The following CEP152 variants were observed in gnomAD, a reference collection of about 807,000 sequenced individuals.
CEP152 encodes centrosomal protein of 152 kDa.
A neutral mutation model predicts 188.9 loss-of-function variants in CEP152; 132 were observed. The ratio of observed to expected loss-of-function variants is 0.70; its 90% CI spans 0.61 to 0.81. CEP152 has a LOEUF of 0.81. Ranked by LOEUF, CEP152 falls within the 30% of genes least tolerant of loss-of-function variation. The pLI is 0.00. For missense variants in CEP152, 1,914 were observed against 1,969.8 expected (o/e 0.97, Z 0.54); for synonymous variants, 649 against 666.6 (o/e 0.97, Z 0.41).
At chr15:48,764,456 T>C (rs758180766) in intron 17 of CEP152, among the ~76,000 whole-genome samples, 1 of 152,206 alleles carries the variant, frequency 6.6e-6, no homozygotes, top group Non-Finnish European at 1.5e-5. Context: ...AGTTAAAACA[T>C]GAACTTGTTG....
At chr15:48,780,444 T>G (rs1221105032) in intron 12 of CEP152, among the ~76,000 whole-genome samples, 1 of 152,240 alleles carries the variant, frequency 6.6e-6, no homozygotes, top group Non-Finnish European at 1.5e-5. Context: ...GACATTTATA[T>G]ATTTGTATTT....
intron 20 of CEP152, among the ~76,000 whole-genome samples, chr15:48,753,874 TA>T (rs1291988661): frequency 6.6e-6 from 1 of 152,180 alleles, no homozygotes; most frequent in East Asian, 1.9e-4. Context: ...CCTCTCCATT[TA>T]AAAAAACTTT....
intron 21 of CEP152, 124 bp downstream of exon 21, chr15:48,752,225 G>A: frequency 6.7e-7 from 1 of 1,502,142 alleles, no homozygotes; most frequent in Non-Finnish European, 9.2e-7. Flanking sequence ...AGGAAGAGGG[G>A]ACATTAAGTC....
intron 17 of CEP152, 135 bp downstream of exon 17, chr15:48,766,925 G>T: frequency 8.7e-7 from 1 of 1,148,702 alleles, no homozygotes; most frequent in South Asian, 1.2e-5. Flanking sequence ...ATATGAGTGT[G>T]ATACAGCCAA....
In CEP152 at chr15:48,738,599, G is replaced by A; in HGVS notation, c.4783C>T (p.Pro1595Ser). 6.2e-7 allele frequency: 1 copy of A among 1,614,136 alleles called. No homozygotes were observed. Among genetic ancestry groups the A allele is most frequent in the Non-Finnish European group, 8.5e-7 (1 of 1,180,020 alleles). The change falls in exon 27 of 27, where the codon CCA (proline) becomes TCA (serine). Residue 1595 changes from proline to serine, a missense_variant. Coordinates refer to ENST00000380950, the MANE Select transcript of CEP152 (RefSeq NM_001194998.2). ...SREASFVHGR[P>S]QGTLEIPSES... is the part of the protein sequence containing the mutation. ...CTTGGTATTTCCAAAGTTCCTTGTGGCCTACCATGTACAAATGATGCTTCA... is the reference window on the plus strand; with the variant it reads ...CTTGGTATTTCCAAAGTTCCTTGTGACCTACCATGTACAAATGATGCTTCA...
At chr15:48,729,778 A>C (rs556309315) in intron 2 of CEP152, 1 of 152,232 alleles carries the variant, frequency 6.6e-6, no homozygotes, top group South Asian at 2.1e-4. Context: ...TTACAGACAA[A>C]TATAAAACAA....
At chr15:48,767,929 AAAG>A (rs559174566) in intron 15 of CEP152, among the ~76,000 whole-genome samples, 77 of 152,312 alleles carry the variant, frequency 5.1e-4, no homozygotes, top group African/African-American at 1.8e-3. Context: ...TTTTCTTTAT[AAAG>A]AATAGTTTCC....
intron 12 of CEP152, among the ~76,000 whole-genome samples, chr15:48,776,040 A>G (rs1025171242): frequency 2.3e-5 from 3 of 127,870 alleles, no homozygotes; most frequent in Non-Finnish European, 3.3e-5. Context: ...AAGCTAAGGG[A>G]AAAAAAAAAC....
In CEP152 at chr15:48,767,474, A is replaced by G. The variant is rs1013637717; in HGVS notation, c.2019-11T>C. 1.9e-6 allele frequency: 3 copies of G among 1,613,950 alleles called. No individual in the cohort carries two copies. Among genetic ancestry groups the G allele is most frequent in the South Asian group, 1.1e-5 (1 of 91,094 alleles). ...TAAGTCCTTTCACACCTGGAAACAGAGCGGAATCAAAGGCAATGCCCAGTC... is the reference window on the plus strand; with the variant it reads ...TAAGTCCTTTCACACCTGGAAACAGGGCGGAATCAAAGGCAATGCCCAGTC... On this transcript the variant is annotated splice_polypyrimidine_tract_variant and intron_variant, in intron 15 of 26. Coordinates refer to ENST00000380950, the MANE Select transcript of CEP152 (RefSeq NM_001194998.2).
chr15:48,760,601 G>A (rs1894609002), intron 18 of CEP152, among the ~76,000 whole-genome samples: 1 of 152,136 alleles, frequency 6.6e-6, no homozygotes, highest in Non-Finnish European at 1.5e-5. Flanking sequence ...CTGGAGGACT[G>A]CTTGGTGCCA....
chr15:48,736,293 G>A (rs945876228), downstream of CEP152, among the ~76,000 whole-genome samples: 2 of 152,254 alleles, frequency 1.3e-5, no homozygotes, highest in South Asian at 2.1e-4. Flanking sequence ...CTCACCCTAT[G>A]GGACTGGTAT....
intron 17 of CEP152, chr15:48,765,594 T>A (rs978261341): frequency 1.7e-5 from 7 of 423,504 alleles, no homozygotes; most frequent in African/African-American, 8.5e-5. Flanking sequence ...AAAATATTCC[T>A]GGAATGACCT....
chr15:48,755,172 G>A (rs1324761865), intron 20 of CEP152, among the ~76,000 whole-genome samples: 1 of 151,892 alleles, frequency 6.6e-6, no homozygotes, highest in Non-Finnish European at 1.5e-5. Flanking sequence ...ATTAAAAGCT[G>A]GTCTCAGAGA....
chr15:48,785,854 A>G (rs1896588614), intron 9 of CEP152, among the ~76,000 whole-genome samples: 1 of 151,742 alleles, frequency 6.6e-6, no homozygotes, highest in Middle Eastern at 3.4e-3. Flanking sequence ...GTGTAATGAT[A>G]AAGAGATGAC....
chr15:48,789,980 G>T (rs1027993463), intron 8 of CEP152, among the ~76,000 whole-genome samples: 1 of 152,170 alleles, frequency 6.6e-6, no homozygotes, highest in South Asian at 2.1e-4. Flanking sequence ...TGGTGATTCT[G>T]CTGCTTACAT....
In CEP152 at chr15:48,739,248, T is replaced by C; in HGVS notation, c.4134A>G (p.Lys1378=). 1 of 1,613,354 alleles carries C rather than the reference T, an allele frequency of 6.2e-7. No individual in the cohort carries two copies. Among genetic ancestry groups the C allele is most frequent in the Non-Finnish European group, 8.5e-7 (1 of 1,179,838 alleles). Residue 1378 remains lysine (K), a synonymous_variant, in exon 27 of 27, where the codon AAA becomes AAG. Transcript: ENST00000380950. The stretch of plus-strand genomic sequence containing the variant: ...TCTGATTCACATCATTTCTTTTTGA[T>C]TTTTTAACTGCAATCAGCATCTCTG... ...LTSEMLIAVK[K]SKRNDVNQKI... is the part of the protein sequence containing the mutation.
chr15:48,766,969 C>A, intron 17 of CEP152, 91 bp downstream of exon 17: 1 of 1,534,764 alleles, frequency 6.5e-7, no homozygotes, highest in South Asian at 1.1e-5. Flanking sequence ...CTTCTCCATT[C>A]ACTTCTCTAG....
intron 12 of CEP152, among the ~76,000 whole-genome samples, chr15:48,774,555 T>G (rs575037107): frequency 1.8e-4 from 28 of 152,324 alleles, no homozygotes; most frequent in African/African-American, 6.7e-4. Flanking sequence ...ACTATGCATG[T>G]ACAGGGCAAC....
Position 48,756,325 on chromosome 15 carries a change from T to C in CEP152, c.2923A>G (p.Asn975Asp). The stretch of plus-strand genomic sequence containing the variant: ...AAAAATTGCCGGTAATCTTGCTCAT[T>C]TTGTTCTTGGATTCTGTGGATTTCT... ...QEEIHRIQEQ[N>D]EQDYRQFLDD... The change falls in exon 20 of 27, where the codon AAT becomes GAT. Residue 975 changes from asparagine (N) to aspartate (D), a missense_variant. By Grantham distance (23) the Asn-to-Asp change is conservative. Coordinates refer to ENST00000380950, the MANE Select transcript of CEP152 (RefSeq NM_001194998.2). 1 of 1,575,088 alleles carries C rather than the reference T, an allele frequency of 6.3e-7. No homozygotes were observed. The highest frequency in any genetic ancestry group is 8.6e-7 in the Non-Finnish European group (1 of 1,164,190).
Sources: allele counts gnomAD v4.1 joint callset (sites outside exome capture counted in the v4.1 genomes callset), GRCh38; gene constraint gnomAD v4.1.1; transcripts MANE v1.5; gene names NCBI Gene and HGNC (gene_info 2026-07-23, HGNC 2026-07-21).